GRIK2: variants seen among roughly 807,000 people sequenced by gnomAD.
GRIK2 encodes the protein glutamate ionotropic receptor kainate type subunit 2, also known as glutamate receptor ionotropic, kainate 2.
GRIK2 carries 32 observed loss-of-function variants against 100.3 expected under a neutral mutation model. The ratio of observed to expected loss-of-function variants is 0.32; its 90% CI spans 0.24 to 0.43. The LOEUF (loss-of-function observed/expected upper bound fraction) is 0.43. Ranked by LOEUF, GRIK2 falls within the 20% of genes least tolerant of loss-of-function variation. The probability of loss-of-function intolerance (pLI) is 1.00; values close to 1 mark genes in which losing one functional copy is unlikely to be tolerated. For synonymous variants in GRIK2, 417 were observed against 389.4 expected, an observed-to-expected ratio of 1.07 and a Z score of -0.83; for missense variants, 843 against 1,114.9, an observed-to-expected ratio of 0.76 and a Z score of 3.47.
chr6:101,788,690 T>C (rs1779609164), intron 7 of GRIK2, among the ~76,000 whole-genome samples: 1 of 152,200 alleles, frequency 6.6e-6, no homozygotes, highest in African/African-American at 2.4e-5. Context: ...TGTGTCTTTA[T>C]AGCAGCATGA....
At chr6:101,965,722 T>C (rs1792624688) in intron 14 of GRIK2, among the ~76,000 whole-genome samples, 1 of 152,086 alleles carries the variant, frequency 6.6e-6, no homozygotes, top group Non-Finnish European at 1.5e-5. Context: ...AGTCATAAAT[T>C]TGAAGTCTGT....
chr6:102,027,460 T>A (rs1012111074), intron 14 of GRIK2, among the ~76,000 whole-genome samples: 4 of 151,224 alleles, frequency 2.6e-5, no homozygotes, highest in Admixed American at 1.3e-4. Flanking sequence ...TTGTACCACC[T>A]GATTAACTTT....
chr6:101,935,384 T>G (rs1790551557), intron 14 of GRIK2, among the ~76,000 whole-genome samples: 1 of 151,932 alleles, frequency 6.6e-6, no homozygotes, highest in Non-Finnish European at 1.5e-5. Flanking sequence ...TATTTTATTT[T>G]GTATGTCTAA....
intron 12 of GRIK2, among the ~76,000 whole-genome samples, chr6:101,907,935 A>C (rs2128464262): frequency 6.6e-6 from 1 of 151,504 alleles, no homozygotes; most frequent in African/African-American, 2.4e-5. Flanking sequence ...GGGTCTTTGG[A>C]ATTTTCTTCC....
At chr6:101,889,933 G>C in intron 12 of GRIK2, 70 bp downstream of exon 12, 1 of 843,100 alleles carries the variant, frequency 1.2e-6, no homozygotes. Context: ...ATTGTCAAAA[G>C]TCACAATCAA....
chr6:101,540,800 C>T (rs1775948629), intron 2 of GRIK2, among the ~76,000 whole-genome samples: 2 of 151,812 alleles, frequency 1.3e-5, no homozygotes, highest in Non-Finnish European at 1.5e-5. Flanking sequence ...TTATATTGAC[C>T]TTGGATTTTT....
chr6:101,728,948 T>C (rs1200451161), intron 7 of GRIK2, among the ~76,000 whole-genome samples: 1 of 150,764 alleles, frequency 6.6e-6, no homozygotes, highest in Non-Finnish European at 1.5e-5. Flanking sequence ...TGGAATATAG[T>C]TGTATTAAAA....
At chr6:101,621,311 G>C (rs914417893) in intron 2 of GRIK2, among the ~76,000 whole-genome samples, 1 of 152,062 alleles carries the variant, frequency 6.6e-6, no homozygotes, top group Non-Finnish European at 1.5e-5. Context: ...AAATTAGCTG[G>C]AAATGATGGC....
At chr6:101,584,535 G>A (rs1366244061) in intron 2 of GRIK2, among the ~76,000 whole-genome samples, 2 of 151,950 alleles carry the variant, frequency 1.3e-5, no homozygotes, top group African/African-American at 2.4e-5. Context: ...TAAGAAATAT[G>A]AATATAGGAC....
chr6:101,695,250 A>G (rs1462286937), intron 7 of GRIK2, among the ~76,000 whole-genome samples: 1 of 152,080 alleles, frequency 6.6e-6, no homozygotes, highest in African/African-American at 2.4e-5. Context: ...GGGGAGGAAC[A>G]CTGTGTCCTC....
chr6:101,645,200 CA>C (rs1582884308), intron 4 of GRIK2, among the ~76,000 whole-genome samples: 1 of 151,280 alleles, frequency 6.6e-6, no homozygotes, highest in African/African-American at 2.4e-5. Flanking sequence ...TAATCTTACC[CA>C]AATGAGTCAT....
chr6:101,501,463 A>G (rs1429480876), intron 2 of GRIK2, among the ~76,000 whole-genome samples: 1 of 152,210 alleles, frequency 6.6e-6, no homozygotes, highest in Admixed American at 6.5e-5. Flanking sequence ...TGCAGATTGC[A>G]TAATTGCTGC....
chr6:101,569,075 C>T (rs1322339684), intron 2 of GRIK2, among the ~76,000 whole-genome samples: 1 of 151,934 alleles, frequency 6.6e-6, no homozygotes, highest in Non-Finnish European at 1.5e-5. Flanking sequence ...TGAGTATAAA[C>T]CAATGGAGGA....
At chr6:101,546,157 G>T (rs1428021119) in intron 2 of GRIK2, among the ~76,000 whole-genome samples, 2 of 152,158 alleles carry the variant, frequency 1.3e-5, no homozygotes, top group Non-Finnish European at 2.9e-5. Flanking sequence ...ATAGGCAAGA[G>T]TGATGCTGAG....
At chr6:101,673,641 A>T (rs775484481) in intron 4 of GRIK2, among the ~76,000 whole-genome samples, 6 of 152,062 alleles carry the variant, frequency 3.9e-5, no homozygotes, top group African/African-American at 1.2e-4. Flanking sequence ...CTTTTTATTC[A>T]TGTATTAACT....
chr6:101,642,090 T>C (rs554441094), intron 4 of GRIK2, among the ~76,000 whole-genome samples: 152 of 152,028 alleles, frequency 1.0e-3, no homozygotes, highest in African/African-American at 3.6e-3. Flanking sequence ...TATACATATA[T>C]AAATAGTTTT....
chr6:101,833,481 C>G (rs1474999179), intron 10 of GRIK2, among the ~76,000 whole-genome samples: 1 of 152,138 alleles, frequency 6.6e-6, no homozygotes, highest in African/African-American at 2.4e-5. Context: ...GATCCACCCA[C>G]CTCGGCCTCC....
chr6:101,607,096 A>G (rs1185768038), intron 2 of GRIK2, among the ~76,000 whole-genome samples: 1 of 152,010 alleles, frequency 6.6e-6, no homozygotes, highest in Non-Finnish European at 1.5e-5. Flanking sequence ...GCTGCCTTCA[A>G]CTAGGTCACA....
chr6:101,801,517 T>C (rs1321168976), intron 8 of GRIK2, among the ~76,000 whole-genome samples: 1 of 151,974 alleles, frequency 6.6e-6, no homozygotes, highest in African/African-American at 2.4e-5. Flanking sequence ...TTACCCTTAA[T>C]CTACTGATAT....
Sources: gnomAD v4.1 joint callset for allele counts (sites outside exome capture counted in the v4.1 genomes callset) on GRCh38, gnomAD v4.1.1 for gene constraint, MANE v1.5 for transcripts, NCBI Gene and HGNC (gene_info 2026-07-23, HGNC 2026-07-21) for gene names.